The following ARHGAP42 variants were observed in gnomAD, a reference collection of about 807,000 sequenced individuals.
ARHGAP42 encodes Rho GTPase activating protein 42.
A neutral mutation model predicts 125.0 loss-of-function variants in ARHGAP42; 63 were observed. The ratio of observed to expected loss-of-function variants is 0.50; its 90% CI spans 0.41 to 0.62. The LOEUF is 0.62. Ranked by LOEUF, ARHGAP42 falls within the 20% of genes least tolerant of loss-of-function variation. The pLI, the probability that ARHGAP42 is intolerant of heterozygous loss-of-function variation, is 0.00. For synonymous variants in ARHGAP42, 339 were observed against 351.0 expected (o/e 0.97, Z 0.38); for missense variants, 766 against 1,024.2 (o/e 0.75, Z 3.44).
chr11:100,773,541 A>T (rs576214607), intron 2 of ARHGAP42, among the ~76,000 whole-genome samples: 110 of 152,278 alleles, frequency 7.2e-4, no homozygotes, highest in African/African-American at 2.6e-3. Context: ...ATCTTTCTGT[A>T]TGTTTCCATT....
intron 4 of ARHGAP42, among the ~76,000 whole-genome samples, chr11:100,895,314 A>G (rs1260935940): frequency 1.3e-5 from 2 of 152,114 alleles, no homozygotes; most frequent in Admixed American, 6.6e-5. Context: ...TCCCAACCTC[A>G]GCACTATTAA....
At chr11:100,720,298 A>C (rs1352208141) in intron 1 of ARHGAP42, among the ~76,000 whole-genome samples, 2 of 152,204 alleles carry the variant, frequency 1.3e-5, no homozygotes, top group African/African-American at 4.8e-5. Context: ...TAAAACCTAA[A>C]GCAAAAAGTT....
chr11:100,952,091 T>C (rs1030141178), intron 12 of ARHGAP42, among the ~76,000 whole-genome samples: 6 of 152,224 alleles, frequency 3.9e-5, no homozygotes, highest in Non-Finnish European at 8.8e-5. Context: ...TTTTAAGTTT[T>C]ATTTTTAATA....
chr11:100,700,833 A>G (rs1238101200), intron 1 of ARHGAP42, among the ~76,000 whole-genome samples: 1 of 152,198 alleles, frequency 6.6e-6, no homozygotes, highest in Non-Finnish European at 1.5e-5. Context: ...TATTAATGAT[A>G]TTTTGACCTC....
chr11:100,973,140 T>C (rs1280352232), intron 17 of ARHGAP42, 35 bp from the exon 18 acceptor site: 5 of 1,475,486 alleles, frequency 3.4e-6, no homozygotes, highest in East Asian at 5.0e-5. Flanking sequence ...TTGAAACATA[T>C]AACTTAAGAT....
intron 22 of ARHGAP42, among the ~76,000 whole-genome samples, chr11:100,979,318 T>C (rs1227274243): frequency 6.6e-6 from 1 of 152,242 alleles, no homozygotes. Flanking sequence ...TAATCCTTTA[T>C]ACATCTTTGA....
intron 3 of ARHGAP42, among the ~76,000 whole-genome samples, chr11:100,819,178 A>T (rs1349115300): frequency 6.6e-6 from 1 of 152,190 alleles, no homozygotes; most frequent in African/African-American, 2.4e-5. Context: ...GAATAAAGGT[A>T]TACAGAACGG....
At chr11:100,747,319 T>C (rs1303525646) in intron 1 of ARHGAP42, among the ~76,000 whole-genome samples, 14 of 152,232 alleles carry the variant, frequency 9.2e-5, no homozygotes, top group Admixed American at 9.2e-4. Flanking sequence ...TATTTAACAG[T>C]GCTTCCTGTA....
chr11:100,931,268 G>T (rs1407319528), intron 6 of ARHGAP42, among the ~76,000 whole-genome samples: 1 of 152,106 alleles, frequency 6.6e-6, no homozygotes, highest in Non-Finnish European at 1.5e-5. Context: ...TAGTACTTTA[G>T]GACTGGAGCA....
At chr11:100,923,499 G>A (rs1409822623) in intron 6 of ARHGAP42, among the ~76,000 whole-genome samples, 1 of 151,068 alleles carries the variant, frequency 6.6e-6, no homozygotes, top group East Asian at 1.9e-4. Flanking sequence ...TCCTATCTGG[G>A]AATAGTGAAC....
chr11:100,805,656 A>T (rs1179861212), intron 3 of ARHGAP42, among the ~76,000 whole-genome samples: 1 of 152,192 alleles, frequency 6.6e-6, no homozygotes, highest in Non-Finnish European at 1.5e-5. Context: ...TATATGCTAA[A>T]CAAGGGGTGG....
In ARHGAP42 at chr11:100,957,105, G is replaced by A. The variant is rs551493137; in HGVS notation, c.1163-2778G>A. Among the ~76,000 whole-genome samples the A allele has an allele frequency of 3.3e-5, 5 of 152,136 alleles. No individual in the cohort carries two copies. The East Asian group carries it at 7.7e-4, about 24-fold the overall frequency. On this transcript the variant is annotated intron_variant, in intron 12 of 23. Coordinates refer to ENST00000298815, the MANE Select transcript of ARHGAP42 (RefSeq NM_152432.4). ...TTAACTTACTTCATCTTTAAACAGT[G>A]CTATGAAGAAGATACTATTATCTTT...
chr11:100,809,077 A>G (rs1246462537), intron 3 of ARHGAP42, among the ~76,000 whole-genome samples: 2 of 152,192 alleles, frequency 1.3e-5, no homozygotes, highest in East Asian at 3.9e-4. Context: ...AGCCAGAATC[A>G]CAAACTCTAA....
rs1325274170 is a variant in ARHGAP42, at chr11:100,825,756, G to A, written c.312+30590G>A. ...TTCTGTTTTTCATTCTTTTGCTGCA[G>A]TCTTTACAAGTCCAGCTTGTGTGGG... On this transcript the variant is annotated intron_variant, in intron 3 of 23. Transcript: ENST00000298815. Among the ~76,000 whole-genome samples the A allele has an allele frequency of 4.6e-5, 7 of 152,264 alleles. No individual in the cohort carries two copies. In the East Asian group the frequency reaches 1.3e-3, roughly 29 times the overall value.
At chr11:100,845,696 T>A (rs538667877) in intron 3 of ARHGAP42, among the ~76,000 whole-genome samples, 1 of 152,234 alleles carries the variant, frequency 6.6e-6, no homozygotes, top group Non-Finnish European at 1.5e-5. Flanking sequence ...AAAACAGATT[T>A]TATCCACTTC....
At chr11:100,695,628 A>AC (rs1861264168) in intron 1 of ARHGAP42, among the ~76,000 whole-genome samples, 10 of 152,096 alleles carry the variant, frequency 6.6e-5, no homozygotes, top group Non-Finnish European at 5.9e-5. Flanking sequence ...TAACCAGAAT[A>AC]TTTGGTTAAT....
chr11:100,955,184 AT>A (rs1474956534), intron 12 of ARHGAP42, among the ~76,000 whole-genome samples: 2 of 151,830 alleles, frequency 1.3e-5, no homozygotes, highest in Admixed American at 6.6e-5. Context: ...CCTTATGGAA[AT>A]TTTTTTAAGG....
intron 1 of ARHGAP42, among the ~76,000 whole-genome samples, chr11:100,712,303 A>C (rs977695131): frequency 6.6e-6 from 1 of 152,212 alleles, no homozygotes; most frequent in Admixed American, 6.5e-5. Context: ...GAAATGACTT[A>C]AGTGATTGCT....
intron 21 of ARHGAP42, among the ~76,000 whole-genome samples, chr11:100,977,836 C>T (rs1397210116): frequency 6.6e-6 from 1 of 152,152 alleles, no homozygotes; most frequent in Non-Finnish European, 1.5e-5. Context: ...TTTACCTTCT[C>T]CATTTTTAAT....
Sources: allele counts gnomAD v4.1 joint callset (sites outside exome capture counted in the v4.1 genomes callset), GRCh38; gene constraint gnomAD v4.1.1; transcripts MANE v1.5; gene names NCBI Gene and HGNC (gene_info 2026-07-23, HGNC 2026-07-21).